Variants in TLR10 observed in about 807,000 individuals in gnomAD.
TLR10 encodes toll-like receptor 10.
For synonymous variants in TLR10, 288 were observed against 338.8 expected, an observed-to-expected ratio of 0.85 and a Z score of 1.65; for missense variants, 929 against 932.9, an observed-to-expected ratio of 1.00 and a Z score of 0.05.
chr4:38,774,041 AGAGTTTT>A lies in TLR10; in HGVS notation c.1543_1549del (p.Lys515Ter), dbSNP rs778497748. ...CCGGAATGGATTTCTTCCCGCATTT[AGAGTTTT>A]AACTTCCTGGCAGCTCTGAACAAAA... On this transcript the variant is annotated frameshift_variant, in exon 4 of 4. Transcript: ENST00000308973. LOFTEE classifies it low-confidence loss of function (END_TRUNC). The A allele has an allele frequency of 5.1e-5, 82 of 1,610,122 alleles. No individual in the cohort carries two copies. The highest frequency in any genetic ancestry group is 3.4e-4 in the Admixed American group (20 of 59,372).
At chr4:38,778,895 C>T (rs1323756513) in intron 1 of TLR10, 1 of 152,206 alleles carries the variant, frequency 6.6e-6, no homozygotes, top group African/African-American at 2.4e-5. Context: ...CACGCCCATC[C>T]ACAGGAATGC....
chr4:38,773,895 CT>C lies in TLR10; in HGVS notation c.1695del (p.Asp566ThrfsTer14), dbSNP rs748690270. 9.4e-6 allele frequency: 15 copies of C among 1,593,720 alleles called. No homozygotes were observed. Among genetic ancestry groups the C allele is most frequent in the Non-Finnish European group, 1.3e-5 (15 of 1,170,616 alleles). ...CAAGATAATTCGTGGAGATGAACGT[CT>C]TTTAACCTAGTTCCCCTTAGGTTTA... The part of the protein sequence containing the change: ...YPLNLRGTRL[K>X]DVHLHELSCN... On this transcript the variant is annotated frameshift_variant, in exon 4 of 4. Transcript: ENST00000308973. LOFTEE classifies it low-confidence loss of function (END_TRUNC).
At chr4:38,779,645 A>G (rs1258495345) in intron 1 of TLR10, among the ~76,000 whole-genome samples, 1 of 152,200 alleles carries the variant, frequency 6.6e-6, no homozygotes, top group Non-Finnish European at 1.5e-5. Context: ...TGTAATTACT[A>G]CTCAAATTAT....
In TLR10 at chr4:38,773,478, A is replaced by C. The variant is rs1441975472; in HGVS notation, c.2113T>G (p.Trp705Gly). Residue 705 changes from tryptophan (W) to glycine (G), a missense_variant, in exon 4 of 4, where the codon TGG (tryptophan) becomes GGG (glycine). Coordinates refer to ENST00000308973, the MANE Select transcript of TLR10 (RefSeq NM_030956.4). Reference sequence around the variant, plus strand: ...GCAAAGTAGAATTCATAATGGCACCACTCATTCTGGACAAAGTTGGGAGAC... The same window carrying C: ...GCAAAGTAGAATTCATAATGGCACCCCTCATTCTGGACAAAGTTGGGAGAC... ...VLSPNFVQNE[W>G]CHYEFYFAHH... 2.5e-6 allele frequency: 4 copies of C among 1,612,032 alleles called. No individual in the cohort carries two copies. Among genetic ancestry groups the C allele is most frequent in the Admixed American group, 1.7e-5 (1 of 59,694 alleles).
chr4:38,782,242 G>A (rs767508637), intron 1 of TLR10, among the ~76,000 whole-genome samples: 3 of 152,212 alleles, frequency 2.0e-5, no homozygotes, highest in Non-Finnish European at 4.4e-5. Flanking sequence ...CAAAGTTCAA[G>A]AGACTTTGCC....
At chr4:38,781,971 C>T (rs1725440567) in intron 1 of TLR10, among the ~76,000 whole-genome samples, 1 of 152,098 alleles carries the variant, frequency 6.6e-6, no homozygotes, top group Non-Finnish European at 1.5e-5. Context: ...AGTAACTTGC[C>T]CAAGATGACC....
chr4:38,774,803 A>G lies in TLR10; in HGVS notation c.788T>C (p.Leu263Ser). 3.1e-6 allele frequency: 5 copies of G among 1,596,994 alleles called. No individual in the cohort carries two copies. Among genetic ancestry groups the G allele is most frequent in the Non-Finnish European group, 4.3e-6 (5 of 1,173,778 alleles). Residue 263 changes from leucine (L) to serine (S), a missense_variant, in exon 4 of 4, where the codon TTA becomes TCA. Coordinates refer to ENST00000308973, the MANE Select transcript of TLR10 (RefSeq NM_030956.4). ...CACTGATGTATGCCAAACAAATTGT[A>G]AGATAAGGAAAAGGTCGTCCCAGAG... ...DLLWDDLFLI[L>S]QFVWHTSVEH...
rs1364872574 is a variant in TLR10, at chr4:38,775,278, T to C, written c.313A>G (p.Asn105Asp). The change falls in exon 4 of 4, where the codon AAT becomes GAT. Residue 105 changes from asparagine (N) to aspartate (D), a missense_variant. Transcript: ENST00000308973. ...NKELRYLDLS[N>D]NRLKSVTWYL... ...CAAGTTACACTCTTCAGTCTGTTAT[T>C]AGACAAATCTAAATATCTTAACTCC... The C allele has an allele frequency of 1.2e-6, 2 of 1,613,968 alleles. No individual in the cohort carries two copies. The highest frequency in any genetic ancestry group is 4.5e-5 in the East Asian group (2 of 44,896).
chr4:38,778,019 A>G (rs1027498962), intron 1 of TLR10, among the ~76,000 whole-genome samples: 11 of 152,220 alleles, frequency 7.2e-5, no homozygotes, highest in Non-Finnish European at 1.5e-5. Flanking sequence ...TTGCAGCACT[A>G]TTCACAACAG....
chr4:38,776,861 G>C (rs1725088138), intron 1 of TLR10, among the ~76,000 whole-genome samples: 1 of 152,242 alleles, frequency 6.6e-6, no homozygotes, highest in East Asian at 1.9e-4. Context: ...CACATGCCTG[G>C]GGAGGCCTCA....
At position 38,775,010 on chromosome 4, in the gene TLR10, T is replaced by C. The variant is rs532862823; in HGVS notation, c.581A>G (p.His194Arg). Residue 194 changes from histidine to arginine, a missense_variant, in exon 4 of 4, where the codon CAC (histidine) becomes CGC (arginine). His to Arg is a conservative substitution (Grantham distance 29). Coordinates refer to ENST00000308973, the MANE Select transcript of TLR10 (RefSeq NM_030956.4). ...SLPILNTTKL[H>R]IVLPMDTNFW... Reference sequence around the variant, plus strand: ...ATTTGTGTCCATTGGTAAAACAATGTGCAGTTTTGTTGTGTTTAAGATGGG... The same window carrying C: ...ATTTGTGTCCATTGGTAAAACAATGCGCAGTTTTGTTGTGTTTAAGATGGG... 20 of 1,613,104 alleles carry C rather than the reference T, an allele frequency of 1.2e-5. No individual in the cohort carries two copies. The African/African-American group carries it at 2.3e-4, about 18-fold the overall frequency.
At chr4:38,781,251 C>T (rs959689178) in intron 1 of TLR10, among the ~76,000 whole-genome samples, 11 of 152,192 alleles carry the variant, frequency 7.2e-5, no homozygotes, top group African/African-American at 2.4e-4. Flanking sequence ...AGCAATCTTC[C>T]CACCTCAGCC....
rs898346376 is a variant in TLR10 at position 38,773,635 on chromosome 4, C to G, written c.1956G>C (p.Leu652Phe). The change falls in exon 4 of 4, where the codon TTG becomes TTC. Residue 652 changes from leucine (L) to phenylalanine (F), a missense_variant. By Grantham distance (22) the Leu-to-Phe change is conservative (BLOSUM62 0). Transcript: ENST00000308973. ...EHDSLWVKNELIPNLEKEDGS... is the reference protein window; with the variant it reads ...EHDSLWVKNEFIPNLEKEDGS... ...CATCTTCCTTCTCTAGATTGGGGAT[C>G]AATTCATTCTTCACCCACAGAGAAT... 5 of 1,603,350 alleles carry G rather than the reference C, an allele frequency of 3.1e-6. No individual in the cohort carries two copies. The African/African-American group carries it at 6.7e-5, about 21-fold the overall frequency.
chr4:38,773,295 G>A lies in TLR10; in HGVS notation c.2296C>T (p.Leu766Phe). 1.2e-6 allele frequency: 2 copies of A among 1,612,412 alleles called. No homozygotes were observed. The highest frequency in any genetic ancestry group is 1.7e-6 in the Non-Finnish European group (2 of 1,179,576). Residue 766 changes from leucine to phenylalanine, a missense_variant, in exon 4 of 4, where the codon CTT (leucine) becomes TTT (phenylalanine). Physicochemically the swap from Leu to Phe is conservative, Grantham distance 22 (BLOSUM62 0). Transcript: ENST00000308973. ...GCAGCTCGAAGGTTTGCCCAGAAAAGCCCACATTTACGCCTATCCTTGGGC... is the reference window on the plus strand; with the variant it reads ...GCAGCTCGAAGGTTTGCCCAGAAAAACCCACATTTACGCCTATCCTTGGGC... ...EWPKDRRKCG[L>F]FWANLRAAIN...
chr4:38,782,118 G>T (rs563066858), intron 1 of TLR10, among the ~76,000 whole-genome samples: 1 of 152,262 alleles, frequency 6.6e-6, no homozygotes, highest in African/African-American at 2.4e-5. Context: ...GAATCACTGA[G>T]GTTGAATCCA....
intron 1 of TLR10, among the ~76,000 whole-genome samples, chr4:38,782,067 T>C (rs1023996680): frequency 6.6e-6 from 1 of 152,140 alleles, no homozygotes; most frequent in Non-Finnish European, 1.5e-5. Context: ...CCTCAAACCT[T>C]GAAATGAGGT....
At chr4:38,776,903 G>A (rs775983742) in intron 1 of TLR10, among the ~76,000 whole-genome samples, 1 of 152,172 alleles carries the variant, frequency 6.6e-6, no homozygotes, top group Non-Finnish European at 1.5e-5. Flanking sequence ...GAGGAGCAAA[G>A]TCATGTCTTA....
At position 38,774,069 on chromosome 4, in the gene TLR10, C is replaced by T. The variant is rs769982655; in HGVS notation, c.1522G>A (p.Val508Ile). ...NFILSPSLDF[V>I]QSCQEVKTLN... ...GTTTTAACTTCCTGGCAGCTCTGAA[C>T]AAAATCCAGAGATGGGCTGAGAATG... The change falls in exon 4 of 4, where the codon GTT becomes ATT. Residue 508 changes from valine to isoleucine, a missense_variant. Physicochemically the swap from Val to Ile is conservative, Grantham distance 29. Transcript: ENST00000308973. The T allele has an allele frequency of 1.9e-6, 3 of 1,612,426 alleles. No homozygotes were observed. Among genetic ancestry groups the T allele is most frequent in the South Asian group, 2.2e-5 (2 of 90,964 alleles).
Position 38,773,895 on chromosome 4 carries a change from C to T in TLR10, c.1696G>A (p.Asp566Asn). ...CAAGATAATTCGTGGAGATGAACGTCTTTTAACCTAGTTCCCCTTAGGTTT... is the reference window on the plus strand; with the variant it reads ...CAAGATAATTCGTGGAGATGAACGTTTTTTAACCTAGTTCCCCTTAGGTTT... ...PLNLRGTRLK[D>N]VHLHELSCNT... Residue 566 changes from aspartate to asparagine, a missense_variant, in exon 4 of 4, where the codon GAC (aspartate) becomes AAC (asparagine). By Grantham distance (23) the Asp-to-Asn change is conservative. Coordinates refer to ENST00000308973, the MANE Select transcript of TLR10 (RefSeq NM_030956.4). 1.9e-6 allele frequency: 3 copies of T among 1,593,838 alleles called. No homozygotes were observed. The highest frequency in any genetic ancestry group is 2.6e-6 in the Non-Finnish European group (3 of 1,170,608).
Sources: gnomAD v4.1 joint callset for allele counts (sites outside exome capture counted in the v4.1 genomes callset) on GRCh38, gnomAD v4.1.1 for gene constraint, MANE v1.5 for transcripts, NCBI Gene and HGNC (gene_info 2026-07-23, HGNC 2026-07-21) for gene names.